The following SETD7 variants were observed in gnomAD, a reference collection of about 807,000 sequenced individuals.
The protein encoded by SETD7 is histone-lysine N-methyltransferase SETD7.
In SETD7, 16 loss-of-function variants were observed where a neutral mutation model predicts 41.8. The observed-to-expected ratio is 0.38, with a 90% CI of 0.26 to 0.58. The LOEUF (loss-of-function observed/expected upper bound fraction) is 0.58, where lower values mean the gene tolerates loss of function less well. Ranked by LOEUF, SETD7 falls within the 20% of genes least tolerant of loss-of-function variation. The probability of loss-of-function intolerance (pLI) is 0.64; values close to 1 mark genes in which losing one functional copy is unlikely to be tolerated. For missense variants in SETD7, 346 were observed against 459.7 expected, an observed-to-expected ratio of 0.75 and a Z score of 2.26; for synonymous variants, 163 against 169.7, an observed-to-expected ratio of 0.96 and a Z score of 0.31.
Position 139,556,112 on chromosome 4 carries a change from T to G in SETD7, c.26A>C (p.Glu9Ala). Residue 9 changes from glutamate to alanine, a missense_variant, in exon 1 of 8, where the codon GAG becomes GCG. This residue lies in a region of SETD7 where 266 missense variants were observed against 377.0 expected (regional missense o/e 0.71). Transcript: ENST00000274031. ...AATGCTTGTACCTTCCACCGCCTCC[T>G]CCACCATCTCGTCGTCGCTATCCAT... The part of the protein sequence containing the change: MDSDDEMV[E>A]EAVEGHLDDD... 1 of 1,604,572 alleles carries G rather than the reference T, an allele frequency of 6.2e-7. No homozygotes were observed. The highest frequency in any genetic ancestry group is 8.5e-7 in the Non-Finnish European group (1 of 1,176,150).
chr4:139,550,938 G>A (rs1579227521), intron 1 of SETD7, among the ~76,000 whole-genome samples: 1 of 152,190 alleles, frequency 6.6e-6, no homozygotes, highest in East Asian at 1.9e-4. Context: ...GATGAATACT[G>A]AAAGCCCCTT....
chr4:139,506,215 A>G lies in SETD7; in HGVS notation c.*5448T>C, dbSNP rs1368572688. The G allele has an allele frequency of 6.5e-6, 1 of 152,696 alleles. No individual in the cohort carries two copies. Among genetic ancestry groups the G allele is most frequent in the Non-Finnish European group, 1.5e-5 (1 of 68,046 alleles). The allele number at this position is 152,696 out of a possible 1,614,324, so 9.5% of individuals were successfully genotyped here. ...CTCATTCATAACACAGTAAGGGCAAACATTATTCATGTAAACATCTTTCAT... is the reference window on the plus strand; with the variant it reads ...CTCATTCATAACACAGTAAGGGCAAGCATTATTCATGTAAACATCTTTCAT... On this transcript the variant is annotated 3_prime_UTR_variant, in exon 8 of 8. Coordinates refer to ENST00000274031, the MANE Select transcript of SETD7 (RefSeq NM_030648.4).
At chr4:139,528,203 A>G (rs1194146104) in intron 4 of SETD7, among the ~76,000 whole-genome samples, 1 of 152,216 alleles carries the variant, frequency 6.6e-6, no homozygotes, top group African/African-American at 2.4e-5. Context: ...CTCAGAAAAA[A>G]TGTTTAGTGT....
At chr4:139,521,261 A>T (rs1470237516) in intron 5 of SETD7, among the ~76,000 whole-genome samples, 1 of 151,488 alleles carries the variant, frequency 6.6e-6, no homozygotes, top group East Asian at 1.9e-4. Flanking sequence ...CCCCGTCTCT[A>T]CTAAAAATAC....
downstream of SETD7, among the ~76,000 whole-genome samples, chr4:139,493,730 G>A (rs1726399634): frequency 6.6e-6 from 1 of 152,074 alleles, no homozygotes; most frequent in South Asian, 2.1e-4. Flanking sequence ...TGTAGAGATG[G>A]GGTTTTGCTA....
intron 1 of SETD7, among the ~76,000 whole-genome samples, chr4:139,552,619 CCT>C (rs910066166): frequency 1.3e-5 from 2 of 152,118 alleles, no homozygotes; most frequent in African/African-American, 4.8e-5. Context: ...GCCTCCTTTC[CCT>C]GTCTTCCCCT....
chr4:139,541,187 T>C (rs777838614), intron 2 of SETD7, among the ~76,000 whole-genome samples: 21 of 152,148 alleles, frequency 1.4e-4, no homozygotes, highest in Non-Finnish European at 2.6e-4. Flanking sequence ...ACCTCATAAT[T>C]AGGCTAAAAA....
intron 1 of SETD7, among the ~76,000 whole-genome samples, chr4:139,549,773 T>C (rs1728059948): frequency 6.6e-6 from 1 of 151,846 alleles, no homozygotes. Flanking sequence ...ACTGGCTAAT[T>C]TAAAAAAAAA....
chr4:139,495,655 C>T (rs1342868951), downstream of SETD7, among the ~76,000 whole-genome samples: 3 of 152,214 alleles, frequency 2.0e-5, no homozygotes, highest in Non-Finnish European at 4.4e-5. Context: ...GGGGAAAATG[C>T]TGCCATGATC....
chr4:139,533,286 C>A lies in SETD7; in HGVS notation c.251G>T (p.Gly84Val). Residue 84 changes from glycine (G) to valine (V), a missense_variant, in exon 3 of 8, where the codon GGC (glycine) becomes GTC (valine). Gly to Val is a moderately radical substitution (Grantham distance 109). Around this residue, in one of 3 missense-constraint regions of SETD7, gnomAD observed 266 missense variants for 377.0 expected, o/e 0.71. Coordinates refer to ENST00000274031, the MANE Select transcript of SETD7 (RefSeq NM_030648.4). ...GTTCAGCTCTCCGTCTACATACGTG[C>A]CCTGGAGAACTCCCCCATCTTCGTA... is the stretch of plus-strand genomic sequence containing the variant. ...YTYEDGGVLQ[G>V]TYVDGELNGP... 1 of 1,614,170 alleles carries A rather than the reference C, an allele frequency of 6.2e-7. No individual in the cohort carries two copies. The highest frequency in any genetic ancestry group is 8.5e-7 in the Non-Finnish European group (1 of 1,180,010).
rs1727369187 is a variant in SETD7 at position 139,527,636 on chromosome 4, T to C, written c.562+1395A>G. On this transcript the variant is annotated intron_variant, in intron 4 of 7. Coordinates refer to ENST00000274031, the MANE Select transcript of SETD7 (RefSeq NM_030648.4). The stretch of plus-strand genomic sequence containing the variant: ...CAGTTGTTATGGGCCCATGACTGTA[T>C]ACAGAAAAGTCGCAAAGAAAGCACA... 2.0e-5 allele frequency among the ~76,000 whole-genome samples: 3 copies of C among 152,328 alleles called. No individual in the cohort carries two copies. The South Asian group carries it at 6.2e-4, about 32-fold the overall frequency.
At chr4:139,517,841 C>T in intron 7 of SETD7, 44 bp downstream of exon 7, 3 of 1,579,670 alleles carry the variant, frequency 1.9e-6, no homozygotes, top group South Asian at 2.3e-5. Flanking sequence ...CGTCTCAGGG[C>T]CCTGAGGCAT....
At chr4:139,530,077 T>C (rs890257103) in intron 3 of SETD7, among the ~76,000 whole-genome samples, 1 of 152,200 alleles carries the variant, frequency 6.6e-6, no homozygotes, top group African/African-American at 2.4e-5. Context: ...AGGTGATTCT[T>C]AAACGCTTTT....
At chr4:139,539,682 T>G (rs1727732224) in intron 2 of SETD7, among the ~76,000 whole-genome samples, 1 of 152,238 alleles carries the variant, frequency 6.6e-6, no homozygotes, top group African/African-American at 2.4e-5. Context: ...ACTAAATGTT[T>G]GTGTCTCCCC....
Position 139,511,724 on chromosome 4 carries a change from G to A in SETD7, c.1040C>T (p.Pro347Leu). The A allele has an allele frequency of 1.9e-6, 3 of 1,614,142 alleles. No homozygotes were observed. The highest frequency in any genetic ancestry group is 2.5e-6 in the Non-Finnish European group (3 of 1,180,012). ...YDHSPPGKSG[P>L]EAPEWYQVEL... is the part of the protein sequence containing the mutation. ...CACCTGGTACCACTCAGGGGCTTCA[G>A]GCCCACTCTTCCCGGGGGGGCTGTG... The change falls in exon 8 of 8, where the codon CCT (proline) becomes CTT (leucine). Residue 347 changes from proline to leucine, a missense_variant. Coordinates refer to ENST00000274031, the MANE Select transcript of SETD7 (RefSeq NM_030648.4).
chr4:139,499,137 C>T (rs1250057677), intron 7 of SETD7, among the ~76,000 whole-genome samples: 5 of 152,210 alleles, frequency 3.3e-5, no homozygotes, highest in Non-Finnish European at 7.3e-5. Flanking sequence ...GGCACTAAAG[C>T]TGCCTTTGCA....
At position 139,555,608 on chromosome 4, in the gene SETD7, T is replaced by C. The variant is rs972648803; in HGVS notation, c.40+490A>G. Among the ~76,000 whole-genome samples, 1 of 151,918 alleles carries C rather than the reference T, an allele frequency of 6.6e-6. No homozygotes were observed. The highest frequency in any genetic ancestry group is 6.5e-5 in the Admixed American group (1 of 15,294). On this transcript the variant is annotated intron_variant, in intron 1 of 7. Coordinates refer to ENST00000274031, the MANE Select transcript of SETD7 (RefSeq NM_030648.4). This position sits in a 1 kb window ranked among gnomAD's most constrained non-coding sequence, Gnocchi z 4.0. ...GCCCCGTGCGCTGCGCCGGGGGACC[T>C]ACCCGGACGGGGCCGCGGCCGCCGC...
At chr4:139,545,749 T>A (rs1244758498) in intron 2 of SETD7, among the ~76,000 whole-genome samples, 1 of 152,160 alleles carries the variant, frequency 6.6e-6, no homozygotes, top group Non-Finnish European at 1.5e-5. Flanking sequence ...GTCCCTGACA[T>A]CACCCTTCAG....
At chr4:139,536,889 G>A (rs895552234) in intron 2 of SETD7, among the ~76,000 whole-genome samples, 5 of 152,214 alleles carry the variant, frequency 3.3e-5, no homozygotes, top group Admixed American at 3.3e-4. Flanking sequence ...TGTAACCACA[G>A]CTACTCGAAA....
Sources: gnomAD v4.1 joint callset for allele counts (sites outside exome capture counted in the v4.1 genomes callset) on GRCh38, gnomAD v4.1.1 for gene constraint, gnomAD v4.1.1 regional missense constraint, Gnocchi (gnomAD v3.1) non-coding constraint, MANE v1.5 for transcripts, NCBI Gene and HGNC (gene_info 2026-07-23, HGNC 2026-07-21) for gene names.